Variants in FAT3 observed in about 807,000 individuals in gnomAD.
FAT3 encodes the protein FAT atypical cadherin 3.
FAT3 carries 95 observed loss-of-function variants against 310.2 expected under a neutral mutation model. The ratio of observed to expected loss-of-function variants is 0.31; its 90% confidence interval spans 0.26 to 0.36. The LOEUF (loss-of-function observed/expected upper bound fraction) is 0.36, where lower values mean the gene tolerates loss of function less well. Ranked by LOEUF, FAT3 falls within the 10% of genes least tolerant of loss-of-function variation. The probability of loss-of-function intolerance (pLI) is 1.00; values close to 1 mark genes in which losing one functional copy is unlikely to be tolerated. For missense variants in FAT3, 5,408 were observed against 5,715.6 expected (o/e 0.95, Z 1.74); for synonymous variants, 2,314 against 2,192.9 (o/e 1.06, Z -1.54).
chr11:92,280,663 CAGTT>C (rs1319490874), intron 1 of FAT3, among the ~76,000 whole-genome samples: 1 of 152,138 alleles, frequency 6.6e-6, no homozygotes, highest in East Asian at 1.9e-4. Flanking sequence ...ACTCTGTGAT[CAGTT>C]AGATCTCTAT....
chr11:92,499,723 A>ATGTGTGTGTGTGTATGTGGGTGTG (rs376710960), intron 2 of FAT3, among the ~76,000 whole-genome samples: 1 of 127,748 alleles, frequency 7.8e-6, no homozygotes, highest in African/African-American at 2.6e-5. Context: ...ATGTGTGTGT[A>ATGTGTGTGTGTGTATGTGGGTGTG]TGTGTGTGTG....
chr11:92,718,365 T>C (rs1274132028), intron 4 of FAT3, among the ~76,000 whole-genome samples: 1 of 152,062 alleles, frequency 6.6e-6, no homozygotes, highest in Non-Finnish European at 1.5e-5. Flanking sequence ...TGGGGTTATA[T>C]GGTGGGTGGG....
intron 4 of FAT3, among the ~76,000 whole-genome samples, chr11:92,751,720 A>T (rs943652418): frequency 6.6e-6 from 1 of 152,152 alleles, no homozygotes; most frequent in African/African-American, 2.4e-5. Flanking sequence ...GAAGTGCTCA[A>T]TGTTGATCCA....
intron 2 of FAT3, among the ~76,000 whole-genome samples, chr11:92,397,840 A>T (rs927878223): frequency 4.0e-5 from 6 of 150,968 alleles, no homozygotes; most frequent in African/African-American, 1.2e-4. Flanking sequence ...TGTGTTATGG[A>T]ATACTATTTT....
chr11:92,576,022 G>A (rs906682593), intron 3 of FAT3, among the ~76,000 whole-genome samples: 19 of 152,090 alleles, frequency 1.2e-4, no homozygotes, highest in African/African-American at 4.6e-4. Context: ...TATAAATTGG[G>A]AGTTTAAAAA....
At chr11:92,281,888 C>A (rs1946431737) in intron 1 of FAT3, among the ~76,000 whole-genome samples, 2 of 152,148 alleles carry the variant, frequency 1.3e-5, no homozygotes, top group Admixed American at 1.3e-4. Flanking sequence ...TCCCCACCAT[C>A]TGACTTGTGC....
At chr11:92,594,851 T>C (rs1017281152) in intron 3 of FAT3, among the ~76,000 whole-genome samples, 1 of 152,180 alleles carries the variant, frequency 6.6e-6, no homozygotes, top group East Asian at 1.9e-4. Context: ...CTTTCTATTT[T>C]AGTAGTACAT....
At chr11:92,708,341 T>G (rs187635649) in intron 4 of FAT3, among the ~76,000 whole-genome samples, 38 of 152,374 alleles carry the variant, frequency 2.5e-4, no homozygotes, top group African/African-American at 9.1e-4. Context: ...CCTTTACATT[T>G]ATATCAAACT....
At chr11:92,635,095 T>A (rs1211096429) in intron 3 of FAT3, among the ~76,000 whole-genome samples, 1 of 152,208 alleles carries the variant, frequency 6.6e-6, no homozygotes, top group Non-Finnish European at 1.5e-5. Flanking sequence ...GTTTAGACTA[T>A]CCAGTCTGTG....
intron 1 of FAT3, among the ~76,000 whole-genome samples, chr11:92,332,405 C>T (rs533667558): frequency 2.0e-5 from 3 of 152,300 alleles, no homozygotes; most frequent in African/African-American, 7.2e-5. Context: ...GGAATTATAG[C>T]TCTACCACAT....
intron 3 of FAT3, among the ~76,000 whole-genome samples, chr11:92,603,034 C>T (rs1940106381): frequency 6.6e-6 from 1 of 152,144 alleles, no homozygotes; most frequent in African/African-American, 2.4e-5. Context: ...TTTCAGTATG[C>T]ATACTGTGAG....
chr11:92,533,234 C>T (rs918767509), intron 3 of FAT3, among the ~76,000 whole-genome samples: 1 of 152,058 alleles, frequency 6.6e-6, no homozygotes, highest in Non-Finnish European at 1.5e-5. Flanking sequence ...CACTCTGTTG[C>T]CCAGGCTATT....
chr11:92,680,171 A>G (rs1394181985), intron 3 of FAT3, among the ~76,000 whole-genome samples: 2 of 151,528 alleles, frequency 1.3e-5, no homozygotes, highest in Non-Finnish European at 2.9e-5. Context: ...CTTGGCCATA[A>G]TATCTTTGCC....
chr11:92,680,780 T>C (rs1202572675), intron 3 of FAT3, among the ~76,000 whole-genome samples: 5 of 152,206 alleles, frequency 3.3e-5, no homozygotes, highest in Non-Finnish European at 4.4e-5. Context: ...TTTCATTGTT[T>C]GGGTAAAAAA....
intron 4 of FAT3, among the ~76,000 whole-genome samples, chr11:92,700,004 G>A (rs953935738): frequency 2.7e-4 from 41 of 152,322 alleles, no homozygotes; most frequent in African/African-American, 6.3e-4. Flanking sequence ...CTCACCTGGT[G>A]TACCAGGGAC....
At chr11:92,671,301 C>T (rs1943122351) in intron 3 of FAT3, among the ~76,000 whole-genome samples, 1 of 152,104 alleles carries the variant, frequency 6.6e-6, no homozygotes, top group Non-Finnish European at 1.5e-5. Flanking sequence ...CACTCAGTCT[C>T]TCAAAGTGCT....
intron 3 of FAT3, among the ~76,000 whole-genome samples, chr11:92,555,021 A>G (rs957692116): frequency 6.6e-6 from 1 of 151,574 alleles, no homozygotes; most frequent in African/African-American, 2.4e-5. Context: ...ACTACAGAGC[A>G]ATGGTTTTCA....
chr11:92,316,974 A>G (rs1247191286), intron 1 of FAT3, among the ~76,000 whole-genome samples: 1 of 152,160 alleles, frequency 6.6e-6, no homozygotes, highest in Non-Finnish European at 1.5e-5. Flanking sequence ...GCCACCAAGG[A>G]GGTGGCAGAT....
At chr11:92,453,205 T>C (rs1377045253) in intron 2 of FAT3, among the ~76,000 whole-genome samples, 6 of 152,226 alleles carry the variant, frequency 3.9e-5, no homozygotes, top group Non-Finnish European at 8.8e-5. Flanking sequence ...AAAGCTGTTA[T>C]CAGGGCCTGG....
Sources: gnomAD v4.1 joint callset for allele counts (sites outside exome capture counted in the v4.1 genomes callset) on GRCh38, gnomAD v4.1.1 for gene constraint, MANE v1.5 for transcripts, NCBI Gene and HGNC (gene_info 2026-07-23, HGNC 2026-07-21) for gene names.